BTBD16: variants seen among roughly 807,000 people sequenced by gnomAD.
BTBD16 encodes the protein BTB domain containing 16.
BTBD16 carries 66 observed loss-of-function variants against 67.4 expected under a neutral mutation model. That is an observed-to-expected ratio of 0.98 (90% CI 0.80 to 1.20). BTBD16 has a LOEUF of 1.20. Among genes scored for constraint, BTBD16 ranks in the 50% most tolerant of loss-of-function variants. The pLI is 0.00. For synonymous variants in BTBD16, 242 were observed against 236.4 expected (o/e 1.02, Z -0.22); for missense variants, 634 against 616.0 (o/e 1.03, Z -0.31).
chr10:122,288,023 C>T (rs1245456989), intron 5 of BTBD16, among the ~76,000 whole-genome samples: 2 of 152,174 alleles, frequency 1.3e-5, no homozygotes, highest in Non-Finnish European at 2.9e-5. Flanking sequence ...GATTCCCTCC[C>T]TCCCTCCCTC....
intron 10 of BTBD16, among the ~76,000 whole-genome samples, chr10:122,319,952 A>G (rs561236931): frequency 1.3e-5 from 2 of 152,264 alleles, no homozygotes; most frequent in African/African-American, 2.4e-5. Flanking sequence ...TAAGGCTTTC[A>G]TATTAACACT....
rs60823097 is a variant in BTBD16, at chr10:122,284,673, ATTTTTTTTT to A, written c.241+765_241+773del. Among the ~76,000 whole-genome samples, 244 of 124,672 alleles carry A rather than the reference ATTTTTTTTT, an allele frequency of 2.0e-3. 2 individuals carry two copies. The highest frequency in any genetic ancestry group is 8.9e-3 in the Middle Eastern group (2 of 224). 81.8% of individuals were successfully genotyped at this position (124,672 alleles called of 152,430 possible). ...ATGAGGAGGCAGCTTCTTAAAGTGGATTTTTTTTTTTTTTTTTTTTTTTTGGATAAAGCC... is the reference window on the plus strand; with the variant it reads ...ATGAGGAGGCAGCTTCTTAAAGTGGATTTTTTTTTTTTTTTGGATAAAGCC... On this transcript the variant is annotated intron_variant, in intron 4 of 15. Transcript: ENST00000260723.
At chr10:122,315,791 G>C (rs2096423050) in intron 10 of BTBD16, among the ~76,000 whole-genome samples, 1 of 152,128 alleles carries the variant, frequency 6.6e-6, no homozygotes, top group Non-Finnish European at 1.5e-5. Flanking sequence ...ATTGACACCA[G>C]TAATTAACAA....
chr10:122,336,486 C>T lies in BTBD16; in HGVS notation c.1264-8C>T, dbSNP rs1486938981. On this transcript the variant is annotated splice_region_variant and splice_polypyrimidine_tract_variant and intron_variant, in intron 14 of 15. Transcript: ENST00000260723. The stretch of plus-strand genomic sequence containing the variant: ...AGTTCCACCTAAGGTGAATCACTCT[C>T]TTTGCAGAGAATAAAGCACACAGAC... The T allele has an allele frequency of 6.3e-7, 1 of 1,595,944 alleles. No homozygotes were observed. Among genetic ancestry groups the T allele is most frequent in the Non-Finnish European group, 8.5e-7 (1 of 1,172,446 alleles).
At chr10:122,278,366 C>G (rs893581873) in intron 3 of BTBD16, among the ~76,000 whole-genome samples, 2 of 152,174 alleles carry the variant, frequency 1.3e-5, no homozygotes, top group South Asian at 4.1e-4. Context: ...CAGTGGCTAA[C>G]CCTCTTTGGG....
intron 10 of BTBD16, among the ~76,000 whole-genome samples, chr10:122,329,245 G>T (rs2096450732): frequency 6.6e-6 from 1 of 152,200 alleles, no homozygotes; most frequent in African/African-American, 2.4e-5. Flanking sequence ...AGTGGTAGAT[G>T]CCGAGGGGAC....
chr10:122,301,967 G>T (rs1002829206), intron 9 of BTBD16, among the ~76,000 whole-genome samples: 4 of 152,188 alleles, frequency 2.6e-5, no homozygotes, highest in Non-Finnish European at 4.4e-5. Context: ...AGTGAGAACC[G>T]AGTGGTCCCA....
intron 10 of BTBD16, among the ~76,000 whole-genome samples, chr10:122,311,810 A>G (rs1243459099): frequency 6.6e-6 from 1 of 152,224 alleles, no homozygotes; most frequent in Non-Finnish European, 1.5e-5. Context: ...TTCTTCCACC[A>G]AAAGTAAACA....
At chr10:122,290,049 TC>T in intron 6 of BTBD16, 51 bp downstream of exon 6, 1 of 1,272,904 alleles carries the variant, frequency 7.9e-7, no homozygotes, top group Non-Finnish European at 1.1e-6. Context: ...CAAATGGTCC[TC>T]CCAGATTTAA....
At chr10:122,289,032 A>G (rs546448944) in intron 5 of BTBD16, among the ~76,000 whole-genome samples, 2 of 152,270 alleles carry the variant, frequency 1.3e-5, no homozygotes, top group East Asian at 1.9e-4. Flanking sequence ...TTGGCTAGCA[A>G]TGAATTGGGC....
intron 4 of BTBD16, 42 bp from the exon 5 acceptor site, chr10:122,286,063 A>T: frequency 1.3e-6 from 2 of 1,566,034 alleles, no homozygotes; most frequent in East Asian, 4.5e-5. Context: ...TTGGGTGGGG[A>T]CGTTACTGAT....
intron 10 of BTBD16, among the ~76,000 whole-genome samples, chr10:122,309,618 C>T (rs1047288507): frequency 1.3e-5 from 2 of 152,194 alleles, no homozygotes; most frequent in Non-Finnish European, 2.9e-5. Flanking sequence ...GCTGGCATTA[C>T]AGGCGTGAGC....
chr10:122,334,194 CTTTTTTTTT>C (rs71301565), intron 13 of BTBD16, among the ~76,000 whole-genome samples: 5 of 93,174 alleles, frequency 5.4e-5, no homozygotes, highest in Admixed American at 3.7e-4. Flanking sequence ...GTCCTCTTGA[CTTTTTTTTT>C]TTTTTTTTTT....
At chr10:122,319,959 C>T (rs1054136807) in intron 10 of BTBD16, among the ~76,000 whole-genome samples, 1 of 152,080 alleles carries the variant, frequency 6.6e-6, no homozygotes, top group African/African-American at 2.4e-5. Context: ...TTCATATTAA[C>T]ACTATTGTAA....
At chr10:122,297,646 C>T (rs2096385698) in intron 7 of BTBD16, 122 bp from the exon 8 acceptor site, 10 of 1,048,722 alleles carry the variant, frequency 9.5e-6, no homozygotes, top group Admixed American at 8.1e-5. Flanking sequence ...ACCCCTAAAG[C>T]GAGGCTCCCT....
At chr10:122,288,785 A>G (rs2096368503) in intron 5 of BTBD16, among the ~76,000 whole-genome samples, 1 of 152,170 alleles carries the variant, frequency 6.6e-6, no homozygotes, top group Non-Finnish European at 1.5e-5. Context: ...GGGACATGTG[A>G]GAAGACCCCC....
At chr10:122,327,635 G>A in intron 10 of BTBD16, 1 of 985,392 alleles carries the variant, frequency 1.0e-6, no homozygotes, top group Non-Finnish European at 1.2e-6. Flanking sequence ...CCACAAAAGT[G>A]GGCATCATTG....
intron 12 of BTBD16, among the ~76,000 whole-genome samples, chr10:122,331,516 C>G (rs2096455071): frequency 6.6e-6 from 1 of 152,158 alleles, no homozygotes; most frequent in South Asian, 2.1e-4. Context: ...ACGTTTGGAC[C>G]AAATAACTCT....
At position 122,283,884 on chromosome 10, in the gene BTBD16, T is replaced by C. The variant is rs1564958997; in HGVS notation, c.201T>C (p.Phe67=). Residue 67 remains phenylalanine, a synonymous_variant, in exon 4 of 16, where the codon TTT becomes TTC. Coordinates refer to ENST00000260723, the MANE Select transcript of BTBD16 (RefSeq NM_144587.5). Reference sequence around the variant, plus strand: ...TTTCACAAATCCAGAAGTTTTTCTTTGAGAATTTCAAGAACAAGGACATCC... The same window carrying C: ...TTTCACAAATCCAGAAGTTTTTCTTCGAGAATTTCAAGAACAAGGACATCC... ...LCISQIQKFF[F]ENFKNKDIQS... is the part of the protein sequence containing the mutation. The C allele has an allele frequency of 6.2e-7, 1 of 1,614,166 alleles. No individual in the cohort carries two copies. The highest frequency in any genetic ancestry group is 8.5e-7 in the Non-Finnish European group (1 of 1,180,000).
Sources: gnomAD v4.1 joint callset for allele counts (sites outside exome capture counted in the v4.1 genomes callset) on GRCh38, gnomAD v4.1.1 for gene constraint, MANE v1.5 for transcripts, NCBI Gene and HGNC (gene_info 2026-07-23, HGNC 2026-07-21) for gene names.